KIRREL3: variants seen among roughly 807,000 people sequenced by gnomAD.
The protein encoded by KIRREL3 is kin of IRRE-like protein 3.
A neutral mutation model predicts 89.7 loss-of-function variants in KIRREL3; 36 were observed. The observed-to-expected ratio is 0.40, with a 90% CI of 0.31 to 0.53. KIRREL3 has a LOEUF of 0.53. Ranked by LOEUF, KIRREL3 falls within the 20% of genes least tolerant of loss-of-function variation. The pLI is 0.49. For synonymous variants in KIRREL3, 445 were observed against 441.4 expected, an observed-to-expected ratio of 1.01 and a Z score of -0.10; for missense variants, 864 against 1,056.6, an observed-to-expected ratio of 0.82 and a Z score of 2.53.
At chr11:126,692,348 C>G (rs992899228) in intron 1 of KIRREL3, among the ~76,000 whole-genome samples, 1 of 151,788 alleles carries the variant, frequency 6.6e-6, no homozygotes, top group Non-Finnish European at 1.5e-5. Context: ...AGTTCGAGAC[C>G]AGTCTGGCCA....
chr11:126,809,245 G>T (rs1951303249), intron 1 of KIRREL3, among the ~76,000 whole-genome samples: 1 of 152,152 alleles, frequency 6.6e-6, no homozygotes, highest in Non-Finnish European at 1.5e-5. Context: ...ATGAAATTGG[G>T]CAGGAGTCTG....
rs762960853 is a variant in KIRREL3 at position 126,448,990 on chromosome 11, C to G, written c.997+19G>C. 3 of 1,587,862 alleles carry G rather than the reference C, an allele frequency of 1.9e-6. No individual in the cohort carries two copies. Among genetic ancestry groups the G allele is most frequent in the Admixed American group, 3.4e-5 (2 of 58,952 alleles). On this transcript the variant is annotated intron_variant, in intron 8 of 16. Coordinates refer to ENST00000525144, the MANE Select transcript of KIRREL3 (RefSeq NM_032531.4). ...GTGGATGCCTGCTCGCCTGGGGAAG[C>G]CTGCACCACTGCACTCACAGTAGAC...
rs534179467 is a variant in KIRREL3, at chr11:126,812,368, C to T, written c.55+188087G>A. ...GCTAACCGTTGGTGGTTTAGGCAGA[C>T]GGAACTCCTCTCAGGATTTATTCAG... is the stretch of plus-strand genomic sequence containing the variant. On this transcript the variant is annotated intron_variant, in intron 1 of 16. Transcript: ENST00000525144. The surrounding 1 kb of genome is among the most constrained non-coding windows in gnomAD (Gnocchi z 5.2). Among the ~76,000 whole-genome samples the T allele has an allele frequency of 1.6e-4, 24 of 152,240 alleles. No homozygotes were observed. The highest frequency in any genetic ancestry group is 2.6e-4 in the African/African-American group (11 of 41,542).
rs756122684 is a variant in KIRREL3 at position 126,909,327 on chromosome 11, T to C, written c.55+91128A>G. 3.9e-4 allele frequency among the ~76,000 whole-genome samples: 60 copies of C among 152,204 alleles called. 1 individual carries two copies. Among genetic ancestry groups the C allele is most frequent in the Non-Finnish European group, 1.5e-4 (10 of 68,034 alleles). On this transcript the variant is annotated intron_variant, in intron 1 of 16. Coordinates refer to ENST00000525144, the MANE Select transcript of KIRREL3 (RefSeq NM_032531.4). The surrounding 1 kb of genome is among the most constrained non-coding windows in gnomAD (Gnocchi z 4.5). ...GGCCCTGGGATCAACTGTGGACTTC[T>C]TCACTAGCCTGAGAGTTCCTCAAGG...
intron 10 of KIRREL3, among the ~76,000 whole-genome samples, chr11:126,442,238 GC>G (rs1189730403): frequency 7.1e-6 from 1 of 141,456 alleles, no homozygotes; most frequent in Non-Finnish European, 1.5e-5. Context: ...TCCAGCCTGG[GC>G]GACAGAGCGA....
rs1379669367 is a variant in KIRREL3, at chr11:126,811,512, G to A, written c.55+188943C>T. 6.6e-6 allele frequency among the ~76,000 whole-genome samples: 1 copy of A among 152,228 alleles called. No homozygotes were observed. Among genetic ancestry groups the A allele is most frequent in the African/African-American group, 2.4e-5 (1 of 41,466 alleles). On this transcript the variant is annotated intron_variant, in intron 1 of 16. Transcript: ENST00000525144. This position sits in a 1 kb window ranked among gnomAD's most constrained non-coding sequence, Gnocchi z 4.3. The stretch of plus-strand genomic sequence containing the variant: ...ACATGAGTAATGAATAGGAACCTGT[G>A]CATTGGACGGGGACGGTGCCAGCTA...
chr11:126,811,266 C>A lies in KIRREL3; in HGVS notation c.55+189189G>T, dbSNP rs559201156. On this transcript the variant is annotated intron_variant, in intron 1 of 16. Coordinates refer to ENST00000525144, the MANE Select transcript of KIRREL3 (RefSeq NM_032531.4). The surrounding 1 kb of genome is among the most constrained non-coding windows in gnomAD (Gnocchi z 4.3). Reference sequence around the variant, plus strand: ...AGGTGTCCCTAGTACCCTTCCCACCCGCTTTCATCCTCTTTCTTCAGAGAG... The same window carrying A: ...AGGTGTCCCTAGTACCCTTCCCACCAGCTTTCATCCTCTTTCTTCAGAGAG... Among the ~76,000 whole-genome samples, 95 of 152,320 alleles carry A rather than the reference C, an allele frequency of 6.2e-4. No individual in the cohort carries two copies. Among genetic ancestry groups the A allele is most frequent in the African/African-American group, 2.1e-3 (86 of 41,574 alleles).
At position 126,978,112 on chromosome 11, in the gene KIRREL3, G is replaced by A. The variant is rs1012857516; in HGVS notation, c.55+22343C>T. ...TGTGGCCACAAGCCCCAGGGATAAT[G>A]GTCAGCACATTGTGGCGTTGGATTT... On this transcript the variant is annotated intron_variant, in intron 1 of 16. Transcript: ENST00000525144. The surrounding 1 kb of genome is among the most constrained non-coding windows in gnomAD (Gnocchi z 4.2). Among the ~76,000 whole-genome samples the A allele has an allele frequency of 6.6e-6, 1 of 152,136 alleles. No individual in the cohort carries two copies. Among genetic ancestry groups the A allele is most frequent in the African/African-American group, 2.4e-5 (1 of 41,420 alleles).
Position 126,844,851 on chromosome 11 carries a change from A to G in KIRREL3, c.55+155604T>C, listed in dbSNP as rs1297214339. The stretch of plus-strand genomic sequence containing the variant: ...CTAAAAAAGGGAAACTTGAGAGCCA[A>G]CAGGTCTGCTGGAAGAGATCCTTTT... On this transcript the variant is annotated intron_variant, in intron 1 of 16. Coordinates refer to ENST00000525144, the MANE Select transcript of KIRREL3 (RefSeq NM_032531.4). The surrounding 1 kb of genome is among the most constrained non-coding windows in gnomAD (Gnocchi z 4.8). 6.6e-6 allele frequency among the ~76,000 whole-genome samples: 1 copy of G among 152,176 alleles called. No homozygotes were observed. Among genetic ancestry groups the G allele is most frequent in the Non-Finnish European group, 1.5e-5 (1 of 68,026 alleles).
At chr11:126,738,243 T>G (rs1948869001) in intron 1 of KIRREL3, among the ~76,000 whole-genome samples, 1 of 152,218 alleles carries the variant, frequency 6.6e-6, no homozygotes, top group South Asian at 2.1e-4. Context: ...AATTTTGAAT[T>G]AATCATAGGG....
At position 126,909,723 on chromosome 11, in the gene KIRREL3, GA is replaced by G. The variant is rs1946736215; in HGVS notation, c.55+90731del. ...GGGGAGGCAGGATCTTGACCTCAGA[GA>G]TGACCTTTTGCCATCATTGTCTCAG... On this transcript the variant is annotated intron_variant, in intron 1 of 16. Coordinates refer to ENST00000525144, the MANE Select transcript of KIRREL3 (RefSeq NM_032531.4). This position sits in a 1 kb window ranked among gnomAD's most constrained non-coding sequence, Gnocchi z 4.5. 6.6e-6 allele frequency among the ~76,000 whole-genome samples: 1 copy of G among 152,138 alleles called. No individual in the cohort carries two copies. The highest frequency in any genetic ancestry group is 2.4e-5 in the African/African-American group (1 of 41,448).
rs1955074842 is a variant in KIRREL3, at chr11:126,430,118, A to G, written c.1697-830T>C. On this transcript the variant is annotated intron_variant, in intron 14 of 16. Coordinates refer to ENST00000525144, the MANE Select transcript of KIRREL3 (RefSeq NM_032531.4). This position sits in a 1 kb window ranked among gnomAD's most constrained non-coding sequence, Gnocchi z 6.6. Reference sequence around the variant, plus strand: ...GTGCCACTGCACTCCAGCCTGGGCAACAGGATGAGACTCTGTCTCAAAAAA... The same window carrying G: ...GTGCCACTGCACTCCAGCCTGGGCAGCAGGATGAGACTCTGTCTCAAAAAA... 6.7e-6 allele frequency among the ~76,000 whole-genome samples: 1 copy of G among 148,888 alleles called. No homozygotes were observed. The highest frequency in any genetic ancestry group is 2.1e-4 in the South Asian group (1 of 4,744).
intron 2 of KIRREL3, among the ~76,000 whole-genome samples, chr11:126,529,687 T>C (rs1958884560): frequency 6.6e-6 from 1 of 151,578 alleles, no homozygotes; most frequent in Non-Finnish European, 1.5e-5. Context: ...AGACTGTTTC[T>C]GGGGAAGATG....
At chr11:126,885,374 CAT>C (rs1158710541) in intron 1 of KIRREL3, among the ~76,000 whole-genome samples, 1 of 152,144 alleles carries the variant, frequency 6.6e-6, no homozygotes, top group East Asian at 1.9e-4. Context: ...AACATGAAAA[CAT>C]AGAGTATGTT....
chr11:126,513,642 G>A lies in KIRREL3; in HGVS notation c.433+7673C>T, dbSNP rs1394554191. Among the ~76,000 whole-genome samples, 1 of 152,192 alleles carries A rather than the reference G, an allele frequency of 6.6e-6. No individual in the cohort carries two copies. Among genetic ancestry groups the A allele is most frequent in the Non-Finnish European group, 1.5e-5 (1 of 68,038 alleles). On this transcript the variant is annotated intron_variant, in intron 4 of 16. Coordinates refer to ENST00000525144, the MANE Select transcript of KIRREL3 (RefSeq NM_032531.4). This position sits in a 1 kb window ranked among gnomAD's most constrained non-coding sequence, Gnocchi z 5.9. ...TGACATCCAGCCAGGCTGTGATGAG[G>A]ATGGGAGATGGAGTGGGTAAAGAGA...
chr11:126,937,703 T>A (rs568039105), intron 1 of KIRREL3, among the ~76,000 whole-genome samples: 3 of 151,932 alleles, frequency 2.0e-5, no homozygotes, highest in African/African-American at 7.3e-5. Flanking sequence ...ATCAAGACCA[T>A]CCTGGCTAAC....
intron 1 of KIRREL3, among the ~76,000 whole-genome samples, chr11:126,886,015 A>T (rs10750355): frequency 6.6e-6 from 1 of 152,012 alleles, no homozygotes; most frequent in Non-Finnish European, 1.5e-5. Context: ...TTAATTTTGC[A>T]TTCTCATCTG....
chr11:126,478,769 A>G (rs183319965), intron 4 of KIRREL3, among the ~76,000 whole-genome samples: 131 of 151,700 alleles, frequency 8.6e-4, no homozygotes, highest in African/African-American at 3.0e-3. Flanking sequence ...ATGTGTGTGT[A>G]TATGTGTGTT....
chr11:126,871,149 A>C (rs950341608), intron 1 of KIRREL3, among the ~76,000 whole-genome samples: 1 of 152,190 alleles, frequency 6.6e-6, no homozygotes, highest in Admixed American at 6.5e-5. Context: ...ACTGCCACTC[A>C]AAGCATGCCG....
Sources: gnomAD v4.1 joint callset for allele counts (sites outside exome capture counted in the v4.1 genomes callset) on GRCh38, gnomAD v4.1.1 for gene constraint, Gnocchi (gnomAD v3.1) non-coding constraint, MANE v1.5 for transcripts, NCBI Gene and HGNC (gene_info 2026-07-23, HGNC 2026-07-21) for gene names.